HS3ST4: variants seen among roughly 807,000 people sequenced by gnomAD.
HS3ST4 encodes the protein heparan sulfate-glucosamine 3-sulfotransferase 4.
A neutral mutation model predicts 29.2 loss-of-function variants in HS3ST4; 17 were observed. The ratio of observed to expected loss-of-function variants is 0.58; its 90% CI spans 0.40 to 0.87. The LOEUF is 0.87. Ranked by LOEUF, HS3ST4 falls within the 40% of genes least tolerant of loss-of-function variation. The pLI is 0.00. For missense variants in HS3ST4, 627 were observed against 634.5 expected (o/e 0.99, Z 0.13); for synonymous variants, 314 against 285.7 (o/e 1.10, Z -1.00).
At chr16:25,701,754 G>C (rs17703961) in intron 1 of HS3ST4, among the ~76,000 whole-genome samples, 42,506 of 152,122 alleles carry the variant, frequency 0.28, 7,078 homozygotes, top group Non-Finnish European at 0.38. Context: ...CATGGCCAGC[G>C]ATCTGAAAGA....
chr16:26,108,009 G>GTTTTCTA (rs896003787), intron 1 of HS3ST4, among the ~76,000 whole-genome samples: 16 of 152,118 alleles, frequency 1.1e-4, no homozygotes, highest in East Asian at 3.9e-4. Context: ...GAAAATAGAG[G>GTTTTCTA]TTTTCTATTT....
intron 1 of HS3ST4, among the ~76,000 whole-genome samples, chr16:25,708,896 A>G (rs1966394637): frequency 1.3e-5 from 2 of 152,158 alleles, no homozygotes; most frequent in South Asian, 4.1e-4. Flanking sequence ...CCAAATCACA[A>G]TATGTTAGAA....
intron 1 of HS3ST4, among the ~76,000 whole-genome samples, chr16:26,064,805 C>T (rs985965843): frequency 9.9e-5 from 15 of 151,818 alleles, no homozygotes; most frequent in African/African-American, 2.9e-4. Flanking sequence ...TTCTTGGAGA[C>T]GAGGTTTCCC....
At chr16:26,000,672 C>A (rs1969204451) in intron 1 of HS3ST4, among the ~76,000 whole-genome samples, 1 of 152,082 alleles carries the variant, frequency 6.6e-6, no homozygotes, top group African/African-American at 2.4e-5. Flanking sequence ...AGAGGCTGGT[C>A]CCTGGGAGGT....
At chr16:25,811,256 C>G (rs1036805268) in intron 1 of HS3ST4, among the ~76,000 whole-genome samples, 1 of 151,990 alleles carries the variant, frequency 6.6e-6, no homozygotes, top group African/African-American at 2.4e-5. Context: ...CTCTGTCAAC[C>G]CCAAGAGAGC....
chr16:25,908,193 A>G (rs1968198000), intron 1 of HS3ST4, among the ~76,000 whole-genome samples: 1 of 152,138 alleles, frequency 6.6e-6, no homozygotes, highest in South Asian at 2.1e-4. Context: ...GGCCCTAACG[A>G]CATCTGCCAC....
intron 1 of HS3ST4, among the ~76,000 whole-genome samples, chr16:25,935,973 C>T (rs2141689805): frequency 6.6e-6 from 1 of 152,204 alleles, no homozygotes; most frequent in South Asian, 2.1e-4. Context: ...CCATGTTTCC[C>T]AGGCTTGTCT....
intron 1 of HS3ST4, among the ~76,000 whole-genome samples, chr16:25,984,769 C>T (rs534281225): frequency 6.6e-6 from 1 of 152,294 alleles, no homozygotes; most frequent in African/African-American, 2.4e-5. Flanking sequence ...GCATAGTATT[C>T]CATTGTGTAT....
chr16:26,036,393 G>A (rs915043206), intron 1 of HS3ST4, among the ~76,000 whole-genome samples: 1 of 152,178 alleles, frequency 6.6e-6, no homozygotes, highest in Non-Finnish European at 1.5e-5. Context: ...CTGAACTAGG[G>A]TTAGACGTGA....
At chr16:25,822,163 C>T (rs1375131766) in intron 1 of HS3ST4, among the ~76,000 whole-genome samples, 1 of 152,108 alleles carries the variant, frequency 6.6e-6, no homozygotes, top group East Asian at 1.9e-4. Context: ...ACACTGTAAA[C>T]CTTGTGGCTT....
At chr16:25,851,552 G>C (rs1023166494) in intron 1 of HS3ST4, among the ~76,000 whole-genome samples, 5 of 152,172 alleles carry the variant, frequency 3.3e-5, no homozygotes, top group African/African-American at 4.8e-5. Context: ...TCCACACACT[G>C]TCTGTCCCTG....
At chr16:25,800,243 A>G (rs757543548) in intron 1 of HS3ST4, among the ~76,000 whole-genome samples, 1 of 152,148 alleles carries the variant, frequency 6.6e-6, no homozygotes, top group African/African-American at 2.4e-5. Context: ...TTTTAACCTT[A>G]GTTGAATAGA....
chr16:25,727,076 T>G (rs1197932687), intron 1 of HS3ST4, among the ~76,000 whole-genome samples: 1 of 152,172 alleles, frequency 6.6e-6, no homozygotes. Flanking sequence ...ATCCCTACTT[T>G]GGAGTTGGAG....
At chr16:26,104,101 G>A (rs1434976112) in intron 1 of HS3ST4, among the ~76,000 whole-genome samples, 1 of 152,176 alleles carries the variant, frequency 6.6e-6, no homozygotes, top group Non-Finnish European at 1.5e-5. Flanking sequence ...GTAACCACTA[G>A]GTGAGTTGCT....
At chr16:25,980,931 G>A (rs11074737) in intron 1 of HS3ST4, among the ~76,000 whole-genome samples, 124,164 of 152,088 alleles carry the variant, frequency 0.82, 51,051 homozygotes, top group Admixed American at 0.9. Flanking sequence ...AGCTCAGCAA[G>A]TTTAGGATTG....
chr16:25,913,407 G>A (rs1596611993), intron 1 of HS3ST4, among the ~76,000 whole-genome samples: 1 of 152,238 alleles, frequency 6.6e-6, no homozygotes, highest in East Asian at 1.9e-4. Context: ...ACAGTGAGAA[G>A]CCACTATCCA....
chr16:25,748,009 C>T (rs1033818409), intron 1 of HS3ST4, among the ~76,000 whole-genome samples: 2 of 152,088 alleles, frequency 1.3e-5, no homozygotes, highest in Admixed American at 6.6e-5. Flanking sequence ...CAATAGAAGT[C>T]GCTGAAGCTG....
chr16:26,081,786 CTT>C (rs56169806), intron 1 of HS3ST4, among the ~76,000 whole-genome samples: 33,248 of 84,854 alleles, frequency 0.39, 5,218 homozygotes, highest in South Asian at 0.46. Flanking sequence ...GGAGTACATT[CTT>C]TTTTTTTTTT....
chr16:25,840,296 G>A (rs916491053), intron 1 of HS3ST4, among the ~76,000 whole-genome samples: 3 of 152,180 alleles, frequency 2.0e-5, no homozygotes, highest in African/African-American at 7.2e-5. Flanking sequence ...TTTCAGTTAT[G>A]GCAGTAGGAA....
Sources: gnomAD v4.1 joint callset for allele counts (sites outside exome capture counted in the v4.1 genomes callset) on GRCh38, gnomAD v4.1.1 for gene constraint, MANE v1.5 for transcripts, NCBI Gene and HGNC (gene_info 2026-07-23, HGNC 2026-07-21) for gene names.